ABCB7: variants seen among roughly 807,000 people sequenced by gnomAD.
The protein encoded by ABCB7 is iron-sulfur clusters transporter ABCB7, mitochondrial.
Under a neutral mutation model 54.4 loss-of-function variants are expected in ABCB7, and 7 were observed. The observed-to-expected ratio is 0.13, with a 90% CI of 0.07 to 0.24. The LOEUF (loss-of-function observed/expected upper bound fraction) is 0.24. ABCB7 is among the 10% of genes least tolerant of loss of function. The probability of loss-of-function intolerance (pLI) is 1.00; values close to 1 mark genes in which losing one functional copy is unlikely to be tolerated. For missense variants in ABCB7, 356 were observed against 570.4 expected, an observed-to-expected ratio of 0.62 and a Z score of 3.83; for synonymous variants, 218 against 207.1, an observed-to-expected ratio of 1.05 and a Z score of -0.45.
At chrX:75,099,411 T>C (rs1267081015) in intron 3 of ABCB7, among the ~76,000 whole-genome samples, 1 of 111,742 alleles carries the variant, frequency 8.9e-6, no homozygotes, top group Non-Finnish European at 1.9e-5. Context: ...CATATTTCCA[T>C]TTTTGTAGTA....
chrX:75,058,806 C>A (rs2147446971), intron 15 of ABCB7, among the ~76,000 whole-genome samples: 1 of 111,474 alleles, frequency 9.0e-6, no homozygotes, highest in Non-Finnish European at 1.9e-5. Flanking sequence ...ATTTTAACAA[C>A]TTCTATTTGT....
At chrX:75,113,816 T>C (rs999621662) in intron 2 of ABCB7, among the ~76,000 whole-genome samples, 1 of 112,149 alleles carries the variant, frequency 8.9e-6, no homozygotes, top group Non-Finnish European at 1.9e-5. Flanking sequence ...CTCTCACCAG[T>C]TGAGATAGAA....
chrX:75,109,894 AAAG>A (rs781568906), intron 3 of ABCB7, among the ~76,000 whole-genome samples: 22 of 112,178 alleles, frequency 2.0e-4, no homozygotes, highest in African/African-American at 7.1e-4. Context: ...GGATTTATAA[AAAG>A]AAGGTCAAAA....
chrX:75,095,587 C>T (rs1021385009), intron 4 of ABCB7, among the ~76,000 whole-genome samples: 1 of 112,593 alleles, frequency 8.9e-6, no homozygotes, highest in South Asian at 3.7e-4. Context: ...TAAAGTTATT[C>T]TATGATCTAG....
chrX:75,128,252 T>C (rs776951038), intron 1 of ABCB7, among the ~76,000 whole-genome samples: 3 of 111,143 alleles, frequency 2.7e-5, no homozygotes, highest in Non-Finnish European at 5.7e-5. Context: ...AAAACAGATA[T>C]ATAGACCAAT....
chrX:75,130,532 G>T lies in ABCB7; in HGVS notation c.169-15701C>A, dbSNP rs750317114. On this transcript the variant is annotated intron_variant, in intron 1 of 15. Coordinates refer to ENST00000373394, the MANE Select transcript of ABCB7 (RefSeq NM_001271696.3). ...GGTATAGCTTGCTGGTACCAGAGAA[G>T]GAAATATGGACTTGTTTTTGAAGAA... is the stretch of plus-strand genomic sequence containing the variant. Among the ~76,000 whole-genome samples the T allele has an allele frequency of 1.7e-3, 190 of 112,482 alleles. 1 individual carries two copies. Among genetic ancestry groups the T allele is most frequent in the African/African-American group, 5.7e-3 (178 of 30,996 alleles).
intron 3 of ABCB7, among the ~76,000 whole-genome samples, chrX:75,105,903 C>A (rs779953829): frequency 1.8e-5 from 2 of 111,602 alleles, no homozygotes; most frequent in Admixed American, 1.9e-4. Context: ...ACAATCTATT[C>A]AATAAATACT....
rs1299418990 is a variant in ABCB7 at position 75,051,742 on chromosome X, T to G, written c.*1628A>C. 1 of 112,329 alleles carries G rather than the reference T, an allele frequency of 8.9e-6. No homozygotes were observed. Among genetic ancestry groups the G allele is most frequent in the Non-Finnish European group, 1.9e-5 (1 of 53,246 alleles). The allele number at this position is 112,329 out of a possible 1,213,427, so 9.3% of individuals were successfully genotyped here. A position where few individuals can be genotyped will look rare whatever the true frequency, so the allele number is the denominator to read the frequency against. ...GAAGTGTCAACACAGATTAGAGTCT[T>G]GATCATCTAAAGAGTATAATATGTA... On this transcript the variant is annotated 3_prime_UTR_variant, in exon 16 of 16. Transcript: ENST00000373394.
At chrX:75,072,176 T>C (rs2081368318) in intron 8 of ABCB7, among the ~76,000 whole-genome samples, 1 of 111,732 alleles carries the variant, frequency 8.9e-6, no homozygotes, top group Non-Finnish European at 1.9e-5. Context: ...AATGGAAATA[T>C]GAACAAATAA....
intron 1 of ABCB7, 121 bp downstream of exon 1, chrX:75,155,984 G>T: frequency 1.2e-6 from 1 of 812,869 alleles, no homozygotes; most frequent in Non-Finnish European, 1.8e-6. Flanking sequence ...ACTTACTGCT[G>T]CTCCCAGTTA....
intron 2 of ABCB7, among the ~76,000 whole-genome samples, chrX:75,113,875 A>G (rs896258864): frequency 1.2e-4 from 13 of 112,159 alleles, no homozygotes; most frequent in African/African-American, 4.2e-4. Context: ...AATAATCTCA[A>G]AGCACTTTGT....
At chrX:75,081,514 A>C (rs767978032) in intron 4 of ABCB7, among the ~76,000 whole-genome samples, 1 of 112,304 alleles carries the variant, frequency 8.9e-6, no homozygotes, top group East Asian at 2.8e-4. Context: ...CAATGCTTTC[A>C]TATATTCAAG....
chrX:75,123,831 C>T (rs1483235445), intron 1 of ABCB7, among the ~76,000 whole-genome samples: 4 of 111,301 alleles, frequency 3.6e-5, no homozygotes, highest in African/African-American at 9.8e-5. Context: ...TTAGGGTTTA[C>T]AGGCATATCG....
intron 1 of ABCB7, among the ~76,000 whole-genome samples, chrX:75,126,938 T>C (rs2147546077): frequency 9.0e-6 from 1 of 110,830 alleles, no homozygotes; most frequent in East Asian, 2.9e-4. Flanking sequence ...CCAAAAAAAG[T>C]CCAGGACCAG....
intron 1 of ABCB7, among the ~76,000 whole-genome samples, chrX:75,131,146 G>C (rs975612839): frequency 6.4e-5 from 7 of 109,344 alleles, no homozygotes; most frequent in Non-Finnish European, 1.3e-4. Context: ...AAATAGAAAA[G>C]TTATTTTAAA....
At position 75,052,730 on chromosome X, in the gene ABCB7, G is replaced by A. The variant is rs1318830797; in HGVS notation, c.*640C>T. ...GAAGACAGAGGTTGCAGAGAGCCGAGATGTGCCACTGAACTCCAGCCTGGG... is the reference window on the plus strand; with the variant it reads ...GAAGACAGAGGTTGCAGAGAGCCGAAATGTGCCACTGAACTCCAGCCTGGG... On this transcript the variant is annotated 3_prime_UTR_variant, in exon 16 of 16. Coordinates refer to ENST00000373394, the MANE Select transcript of ABCB7 (RefSeq NM_001271696.3). 1.9e-5 allele frequency: 2 copies of A among 105,826 alleles called. No individual in the cohort carries two copies. The highest frequency in any genetic ancestry group is 7.0e-5 in the African/African-American group (2 of 28,598). 8.7% of individuals were successfully genotyped at this position (105,826 alleles called of 1,213,427 possible).
At chrX:75,058,395 G>T (rs1249691616) in intron 15 of ABCB7, among the ~76,000 whole-genome samples, 1 of 111,242 alleles carries the variant, frequency 9.0e-6, no homozygotes, top group Non-Finnish European at 1.9e-5. Flanking sequence ...TTTCATTTTA[G>T]TATGGTTAGG....
rs55904708 is a variant in ABCB7 at position 75,153,760 on chromosome X, G to GTATATATATATATATATATATATATA, written c.168+2344_168+2345insTATATATATATATATATATATATATA. On this transcript the variant is annotated intron_variant, in intron 1 of 15. Transcript: ENST00000373394. ...TGTGTGTGTGTGCGTGTGTGTGTGT[G>GTATATATATATATATATATATATATA]TATATATATATATAAAATATATATG... is the stretch of plus-strand genomic sequence containing the variant. Among the ~76,000 whole-genome samples the GTATATATATATATATATATATATATA allele has an allele frequency of 1.4e-3, 136 of 94,104 alleles. 4 individuals carry two copies. The highest frequency in any genetic ancestry group is 5.0e-3 in the African/African-American group (132 of 26,416). The allele number at this position is 94,104 out of a possible 115,157, so 81.7% of individuals were successfully genotyped here. A position where few individuals can be genotyped will look rare whatever the true frequency, so the allele number is the denominator to read the frequency against.
intron 1 of ABCB7, among the ~76,000 whole-genome samples, chrX:75,121,089 G>A (rs977907789): frequency 1.6e-4 from 18 of 109,787 alleles, no homozygotes; most frequent in African/African-American, 5.6e-4. Flanking sequence ...AGGAGTTTGA[G>A]ACCAGCCTGG....
Sources: allele counts gnomAD v4.1 joint callset (sites outside exome capture counted in the v4.1 genomes callset), GRCh38; gene constraint gnomAD v4.1.1; transcripts MANE v1.5; gene names NCBI Gene and HGNC (gene_info 2026-07-23, HGNC 2026-07-21).